Variants in SLCO3A1 observed in about 807,000 individuals in gnomAD.
SLCO3A1 encodes PGE1 transporter.
A neutral mutation model predicts 63.1 loss-of-function variants in SLCO3A1; 27 were observed. The ratio of observed to expected loss-of-function variants is 0.43; its 90% confidence interval spans 0.32 to 0.59. The LOEUF is 0.59. Among genes scored for constraint, SLCO3A1 ranks in the 20% least tolerant of loss-of-function variants. The pLI, the probability that SLCO3A1 is intolerant of heterozygous loss-of-function variation, is 0.09. For missense variants in SLCO3A1, 773 were observed against 945.8 expected (o/e 0.82, Z 2.40); for synonymous variants, 473 against 409.9 (o/e 1.15, Z -1.86).
chr15:92,029,939 G>C (rs140233115), intron 2 of SLCO3A1, among the ~76,000 whole-genome samples: 1 of 152,024 alleles, frequency 6.6e-6, no homozygotes, highest in Non-Finnish European at 1.5e-5. Flanking sequence ...CAATTACCTC[G>C]GAGCTGCTAA....
At chr15:91,982,311 G>C (rs572740136) in intron 2 of SLCO3A1, among the ~76,000 whole-genome samples, 16 of 152,258 alleles carry the variant, frequency 1.1e-4, no homozygotes, top group Non-Finnish European at 2.2e-4. Context: ...ACACTGGAGT[G>C]TCTAGTTAAG....
intron 2 of SLCO3A1, among the ~76,000 whole-genome samples, chr15:91,918,024 C>T (rs187872380): frequency 6.6e-6 from 1 of 152,346 alleles, no homozygotes; most frequent in East Asian, 1.9e-4. Flanking sequence ...AGAGTCACCC[C>T]TGAAGTCCTA....
chr15:92,106,330 C>T (rs1267933045), intron 4 of SLCO3A1, among the ~76,000 whole-genome samples: 1 of 152,128 alleles, frequency 6.6e-6, no homozygotes, highest in African/African-American at 2.4e-5. Context: ...GGTTGGAATG[C>T]CCCCGTCCTC....
At chr15:91,920,955 C>T (rs1440846090) in intron 2 of SLCO3A1, among the ~76,000 whole-genome samples, 2 of 152,132 alleles carry the variant, frequency 1.3e-5, no homozygotes, top group African/African-American at 4.8e-5. Flanking sequence ...AGAGGGATGC[C>T]AAGGGCTGGG....
At chr15:92,060,501 C>T (rs899291714) in intron 2 of SLCO3A1, among the ~76,000 whole-genome samples, 8 of 149,494 alleles carry the variant, frequency 5.4e-5, no homozygotes, top group African/African-American at 2.0e-4. Context: ...TGCAGTGAGC[C>T]GAGTTTTTTT....
intron 2 of SLCO3A1, among the ~76,000 whole-genome samples, chr15:91,991,150 GT>G (rs1261458685): frequency 2.0e-5 from 3 of 152,158 alleles, no homozygotes; most frequent in African/African-American, 7.2e-5. Context: ...TGGGAGGATT[GT>G]TTGAGCCCAG....
intron 2 of SLCO3A1, among the ~76,000 whole-genome samples, chr15:92,010,058 A>G (rs1289118323): frequency 2.0e-5 from 3 of 152,196 alleles, no homozygotes; most frequent in African/African-American, 4.8e-5. Flanking sequence ...AGCAAATGGG[A>G]GATGGCGGAG....
chr15:92,169,281 G>A (rs114349372), downstream of SLCO3A1, among the ~76,000 whole-genome samples: 1,140 of 152,278 alleles, frequency 7.5e-3, 25 homozygotes, highest in African/African-American at 0.026. Context: ...CTGTGAAAAA[G>A]CTTTTAGGTC....
At chr15:92,156,263 A>G (rs550564435) in intron 9 of SLCO3A1, among the ~76,000 whole-genome samples, 1 of 152,146 alleles carries the variant, frequency 6.6e-6, no homozygotes, top group African/African-American at 2.4e-5. Flanking sequence ...GGTGGGATGC[A>G]TGGAAGACCC....
chr15:91,962,985 A>G (rs1174326471), intron 2 of SLCO3A1, among the ~76,000 whole-genome samples: 1 of 152,170 alleles, frequency 6.6e-6, no homozygotes, highest in African/African-American at 2.4e-5. Flanking sequence ...ACTTCTTCCA[A>G]TCTGTAACTA....
chr15:92,163,683 C>A lies in SLCO3A1; in HGVS notation c.*548C>A. On this transcript the variant is annotated 3_prime_UTR_variant, in exon 10 of 10. Transcript: ENST00000318445. Reference sequence around the variant, plus strand: ...AAGTCGGAGGGGTGGAAGCACCACTCCTCTCTCTGACTTTCGCAATATGGG... The same window carrying A: ...AAGTCGGAGGGGTGGAAGCACCACTACTCTCTCTGACTTTCGCAATATGGG... 1 of 985,408 alleles carries A rather than the reference C, an allele frequency of 1.0e-6. No individual in the cohort carries two copies. The highest frequency in any genetic ancestry group is 1.2e-6 in the Non-Finnish European group (1 of 829,948). The allele number at this position is 985,408 out of a possible 1,614,324, so 61.0% of individuals were successfully genotyped here.
At chr15:91,887,457 T>TC (rs1200581604) in intron 1 of SLCO3A1, among the ~76,000 whole-genome samples, 1 of 152,040 alleles carries the variant, frequency 6.6e-6, no homozygotes, top group Non-Finnish European at 1.5e-5. Flanking sequence ...AGGCACCCCC[T>TC]CCATTCAGTG....
At chr15:92,096,875 G>A (rs1234784135) in intron 3 of SLCO3A1, among the ~76,000 whole-genome samples, 1 of 152,178 alleles carries the variant, frequency 6.6e-6, no homozygotes, top group Non-Finnish European at 1.5e-5. Flanking sequence ...CTGGTGTTTT[G>A]CAGCCGTCGG....
At chr15:91,943,945 G>C (rs535196772) in intron 2 of SLCO3A1, among the ~76,000 whole-genome samples, 1 of 152,092 alleles carries the variant, frequency 6.6e-6, no homozygotes, top group African/African-American at 2.4e-5. Flanking sequence ...AGCATCCCTC[G>C]GTGGGTCCCT....
chr15:91,962,989 G>A (rs1268490442), intron 2 of SLCO3A1, among the ~76,000 whole-genome samples: 1 of 152,158 alleles, frequency 6.6e-6, no homozygotes, highest in Non-Finnish European at 1.5e-5. Context: ...CTTCCAATCT[G>A]TAACTAAGAT....
chr15:92,125,231 C>T (rs988441949), intron 5 of SLCO3A1, among the ~76,000 whole-genome samples: 4 of 152,084 alleles, frequency 2.6e-5, no homozygotes, highest in Non-Finnish European at 1.5e-5. Context: ...GAAAATTGGC[C>T]ATGCATCATC....
intron 2 of SLCO3A1, among the ~76,000 whole-genome samples, chr15:91,926,558 C>CGCGTGTGTGTGTGTGT (rs1555450154): frequency 7.9e-6 from 1 of 126,040 alleles, no homozygotes; most frequent in African/African-American, 3.4e-5. Context: ...CCTGCCAAGC[C>CGCGTGTGTGTGTGTGT]GTGTGTGTGT....
chr15:91,911,198 T>C (rs1482436929), intron 1 of SLCO3A1, among the ~76,000 whole-genome samples: 3 of 152,202 alleles, frequency 2.0e-5, no homozygotes, highest in African/African-American at 7.2e-5. Flanking sequence ...TCCCAACATT[T>C]CCCACATGAG....
chr15:92,014,400 C>T (rs2046402572), intron 2 of SLCO3A1, among the ~76,000 whole-genome samples: 1 of 152,144 alleles, frequency 6.6e-6, no homozygotes, highest in Non-Finnish European at 1.5e-5. Flanking sequence ...AGTGAGAATG[C>T]CCCGTGATTA....
Sources: allele counts gnomAD v4.1 joint callset (sites outside exome capture counted in the v4.1 genomes callset), GRCh38; gene constraint gnomAD v4.1.1; transcripts MANE v1.5; gene names NCBI Gene and HGNC (gene_info 2026-07-23, HGNC 2026-07-21).